ARID1A: variants seen among roughly 807,000 people sequenced by gnomAD.
ARID1A encodes AT-rich interaction domain 1A, also known as AT-rich interactive domain-containing protein 1A.
In ARID1A, 20 loss-of-function variants were observed where a neutral mutation model predicts 212.6. The observed-to-expected ratio is 0.09, with a 90% CI of 0.07 to 0.14. ARID1A has a LOEUF of 0.14. ARID1A is among the 10% of genes least tolerant of loss of function. The pLI is 1.00. For synonymous variants in ARID1A, 1,376 were observed against 1,222.1 expected (o/e 1.13, Z -2.63); for missense variants, 2,587 against 3,059.0 (o/e 0.85, Z 3.64).
intron 4 of ARID1A, among the ~76,000 whole-genome samples, chr1:26,749,600 CCTCCACCCAGAGGGTCAGA>C (rs939448121): frequency 6.6e-6 from 1 of 152,192 alleles, no homozygotes; most frequent in African/African-American, 2.4e-5. Context: ...GTGCCCTCAG[CCTCCACCCAGAGGGTCAGA>C]CCTGCCTCAA....
At position 26,697,150 on chromosome 1, in the gene ARID1A, C is replaced by T. The variant is rs751034139; in HGVS notation, c.747C>T (p.Ser249=). 24 of 1,442,050 alleles carry T rather than the reference C, an allele frequency of 1.7e-5. No homozygotes were observed. The highest frequency in any genetic ancestry group is 1.8e-4 in the Middle Eastern group (1 of 5,450). 89.3% of individuals were successfully genotyped at this position (1,442,050 alleles called of 1,614,324 possible). Residue 249 remains serine, a synonymous_variant, in exon 1 of 20, where the codon TCC becomes TCT. Coordinates refer to ENST00000324856, the MANE Select transcript of ARID1A (RefSeq NM_006015.6). The stretch of plus-strand genomic sequence containing the variant: ...CCGGCGCGGCGGCGGCTGCCGGCTC[C>T]AAGCCGCCTCCCTCCTCCAGCGCCT... ...PGSGAAAAAG[S]KPPPSSSASA...
chr1:26,715,299 C>A (rs1407674215), intron 1 of ARID1A, among the ~76,000 whole-genome samples: 7 of 152,134 alleles, frequency 4.6e-5, no homozygotes, highest in African/African-American at 1.4e-4. Context: ...TTGGAATGTG[C>A]ACACCTGGGT....
intron 1 of ARID1A, among the ~76,000 whole-genome samples, chr1:26,717,553 G>T (rs1036496550): frequency 1.3e-5 from 2 of 152,126 alleles, no homozygotes; most frequent in Non-Finnish European, 2.9e-5. Context: ...AAGTGTATGG[G>T]ACAGACATTA....
At chr1:26,697,664 C>T (rs974633551) in intron 1 of ARID1A, 124 bp downstream of exon 1, 7 of 952,754 alleles carry the variant, frequency 7.3e-6, no homozygotes, top group Non-Finnish European at 9.6e-6. Flanking sequence ...GGGGAGCTGC[C>T]ATTGTCTGGC....
At chr1:26,772,731 A>G (rs2081094855) in intron 13 of ARID1A, 81 bp from the exon 14 acceptor site, 1 of 1,606,544 alleles carries the variant, frequency 6.2e-7, no homozygotes, top group South Asian at 1.1e-5. Context: ...CTGCCTTCCC[A>G]GCCAGTGACT....
At chr1:26,709,027 T>C (rs924932430) in intron 1 of ARID1A, among the ~76,000 whole-genome samples, 2 of 152,026 alleles carry the variant, frequency 1.3e-5, no homozygotes, top group African/African-American at 4.8e-5. Flanking sequence ...TTGGGGGAAA[T>C]GAACACATAA....
intron 1 of ARID1A, among the ~76,000 whole-genome samples, chr1:26,703,102 A>G (rs559748219): frequency 4.6e-5 from 7 of 152,306 alleles, no homozygotes; most frequent in Non-Finnish European, 1.0e-4. Flanking sequence ...GTTTATTTAT[A>G]CAGTTTTTAC....
chr1:26,773,959 ACTAAT>A lies in ARID1A; in HGVS notation c.4101+66_4101+70del, dbSNP rs367637909. Reference sequence around the variant, plus strand: ...GTTCGCCTTGAAAACTAGTTAGTAAACTAATCTAACGTGTTGAAGTCTAAGAAGCT... The same window carrying A: ...GTTCGCCTTGAAAACTAGTTAGTAAACTAACGTGTTGAAGTCTAAGAAGCT... On this transcript the variant is annotated intron_variant, in intron 17 of 19. Transcript: ENST00000324856. 1.6e-4 allele frequency: 248 copies of A among 1,556,376 alleles called. 1 individual carries two copies. The South Asian group carries it at 2.7e-3, about 17-fold the overall frequency.
chr1:26,734,794 G>A (rs553017619), intron 4 of ARID1A, among the ~76,000 whole-genome samples: 3 of 152,282 alleles, frequency 2.0e-5, no homozygotes, highest in South Asian at 2.1e-4. Context: ...TTAACCAGTC[G>A]TGTTAAAGGA....
chr1:26,719,370 G>A (rs1353117882), intron 1 of ARID1A, among the ~76,000 whole-genome samples: 1 of 152,180 alleles, frequency 6.6e-6, no homozygotes, highest in African/African-American at 2.4e-5. Flanking sequence ...GGAATCTGAG[G>A]TGCATTTCTA....
rs2124123633 is a variant in ARID1A, at chr1:26,775,143, T to C, written c.4916T>C (p.Ile1639Thr). Residue 1639 changes from isoleucine to threonine, a missense_variant, in exon 18 of 20, where the codon ATC becomes ACC. Ile to Thr is a moderately conservative substitution (Grantham distance 89). Transcript: ENST00000324856. ...CAGCCCCCCATGATTCGGCGGGATATCACCTTCCCACCTGGCTCTGTTGAA... is the reference window on the plus strand; with the variant it reads ...CAGCCCCCCATGATTCGGCGGGATACCACCTTCCCACCTGGCTCTGTTGAA... ...PVQPPMIRRD[I>T]TFPPGSVEAT... is the part of the protein sequence containing the mutation. The C allele has an allele frequency of 6.2e-7, 1 of 1,613,802 alleles. No individual in the cohort carries two copies. Among genetic ancestry groups the C allele is most frequent in the African/African-American group, 1.3e-5 (1 of 75,034 alleles).
At chr1:26,748,352 C>T (rs1268122844) in intron 4 of ARID1A, among the ~76,000 whole-genome samples, 1 of 152,158 alleles carries the variant, frequency 6.6e-6, no homozygotes, top group Non-Finnish European at 1.5e-5. Context: ...GTGTTCCTTT[C>T]CTCTCACTCC....
intron 4 of ARID1A, among the ~76,000 whole-genome samples, chr1:26,733,475 T>C (rs2080700165): frequency 1.3e-5 from 2 of 152,066 alleles, no homozygotes; most frequent in African/African-American, 4.8e-5. Flanking sequence ...TACTAGAGAG[T>C]GCACACGAGC....
At chr1:26,702,738 T>TA (rs1166929083) in intron 1 of ARID1A, among the ~76,000 whole-genome samples, 1 of 151,772 alleles carries the variant, frequency 6.6e-6, no homozygotes, top group African/African-American at 2.4e-5. Context: ...AGAAGTGATC[T>TA]AAAAAAAAAT....
At position 26,731,228 on chromosome 1, in the gene ARID1A, C is replaced by T. The variant is rs754027692; in HGVS notation, c.1427C>T (p.Pro476Leu). Residue 476 changes from proline to leucine, a missense_variant, in exon 3 of 20, where the codon CCT (proline) becomes CTT (leucine). Transcript: ENST00000324856. ...GQTPYYNQQS[P>L]HPQQQQPPYS... ...ACTCCATATTACAACCAGCAAAGTCCTCACCCTCAGCAGCAGCAGCCACCC... is the reference window on the plus strand; with the variant it reads ...ACTCCATATTACAACCAGCAAAGTCTTCACCCTCAGCAGCAGCAGCCACCC... The T allele has an allele frequency of 1.9e-6, 3 of 1,614,032 alleles. No individual in the cohort carries two copies. Among genetic ancestry groups the T allele is most frequent in the South Asian group, 1.1e-5 (1 of 91,062 alleles).
intron 11 of ARID1A, chr1:26,769,365 G>A (rs1483774272): frequency 1.3e-5 from 2 of 152,258 alleles, no homozygotes; most frequent in African/African-American, 4.8e-5. Flanking sequence ...TAATTCAGGG[G>A]CAAAAGAGTG....
At chr1:26,761,623 A>G in intron 6 of ARID1A, 150 bp downstream of exon 6, 1 of 741,164 alleles carries the variant, frequency 1.3e-6, no homozygotes, top group South Asian at 1.9e-5. Flanking sequence ...TGACGTAATA[A>G]TTGTACTCAT....
At chr1:26,714,373 A>G (rs1461779449) in intron 1 of ARID1A, among the ~76,000 whole-genome samples, 1 of 152,128 alleles carries the variant, frequency 6.6e-6, no homozygotes, top group Admixed American at 6.6e-5. Context: ...TTAAAACCTG[A>G]GGATTTGGAT....
At chr1:26,724,491 G>A (rs778550391) in intron 1 of ARID1A, among the ~76,000 whole-genome samples, 1 of 152,130 alleles carries the variant, frequency 6.6e-6, no homozygotes, top group Non-Finnish European at 1.5e-5. Flanking sequence ...TTTGTGAATG[G>A]TATATCTCTG....
Sources: gnomAD v4.1 joint callset for allele counts (sites outside exome capture counted in the v4.1 genomes callset) on GRCh38, gnomAD v4.1.1 for gene constraint, MANE v1.5 for transcripts, NCBI Gene and HGNC (gene_info 2026-07-23, HGNC 2026-07-21) for gene names.